Variants in ERV3-1 observed in about 807,000 individuals in gnomAD.
ERV3-1 encodes endogenous retrovirus group 3 member 1, envelope.
Under a neutral mutation model 24.6 loss-of-function variants are expected in ERV3-1, and 36 were observed. That is an observed-to-expected ratio of 1.47 (90% CI 1.12 to 1.94). The LOEUF (loss-of-function observed/expected upper bound fraction) is 1.94. ERV3-1 is among the 30% of genes most tolerant of loss of function. The pLI is 0.00. For missense variants in ERV3-1, 578 were observed against 330.9 expected, an observed-to-expected ratio of 1.75 and a Z score of -5.79; for synonymous variants, 211 against 122.6, an observed-to-expected ratio of 1.72 and a Z score of -4.76.
At chr7:64,994,200 C>A (rs1157427874) in intron 1 of ERV3-1, among the ~76,000 whole-genome samples, 3 of 152,102 alleles carry the variant, frequency 2.0e-5, no homozygotes, top group African/African-American at 7.2e-5. Context: ...TTGTTCTGGG[C>A]ACAGGTTAAA....
intron 1 of ERV3-1, among the ~76,000 whole-genome samples, chr7:65,005,661 G>A (rs1786630152): frequency 6.6e-6 from 1 of 152,196 alleles, no homozygotes; most frequent in African/African-American, 2.4e-5. Flanking sequence ...GCAAGCCAGA[G>A]TTAGGCTGGA....
At chr7:64,997,633 T>C (rs1334500098) in intron 1 of ERV3-1, among the ~76,000 whole-genome samples, 1 of 152,160 alleles carries the variant, frequency 6.6e-6, no homozygotes, top group Admixed American at 6.5e-5. Flanking sequence ...GCCCTGAGCA[T>C]ATATGCCTGG....
rs767897744 is a variant in ERV3-1 at position 64,992,532 on chromosome 7, G to T, written c.495C>A (p.Cys165Ter). The T allele has an allele frequency of 1.3e-6, 1 of 766,270 alleles. No individual in the cohort carries two copies. Among genetic ancestry groups the T allele is most frequent in the Non-Finnish European group, 2.4e-6 (1 of 417,922 alleles). 47.5% of individuals were successfully genotyped at this position (766,270 alleles called of 1,614,324 possible). The change falls in exon 2 of 2, where the codon TGC becomes TGA. Residue 165 changes from cysteine to a stop codon, truncating the protein, a stop_gained. Transcript: ENST00000394323. LOFTEE classifies it high-confidence loss of function. ...ACSTDSPVTTCWDCTTWSTNQ... is the reference protein window; with the variant it reads ...ACSTDSPVTT ...TAGTGGACCACGTTGTGCAGTCCCA[G>T]CAAGTTGTTACTGGGGAATCGGTGG...
chr7:65,004,117 A>G (rs10231037), intron 1 of ERV3-1: 150,481 of 152,286 alleles, frequency 0.99, 74,370 homozygotes, highest in East Asian at 1. Flanking sequence ...TTTGGGAGGC[A>G]AAGGCGGGCA....
intron 1 of ERV3-1, among the ~76,000 whole-genome samples, chr7:64,997,072 C>T (rs113275597): frequency 2.5e-4 from 38 of 152,284 alleles, no homozygotes; most frequent in African/African-American, 5.5e-4. Context: ...TTTTGCATTG[C>T]GCACATTGAT....
Position 65,006,345 on chromosome 7 carries a change from G to T in ERV3-1, c.-389+196C>A, listed in dbSNP as rs935857485. ...TCACTGCGCAGGGAGGAGACAGGAT[G>T]CCCGGGGTCCGAGCTGTCAGCCCGG... On this transcript the variant is annotated intron_variant, in intron 1 of 1. Coordinates refer to ENST00000394323, the MANE Select transcript of ERV3-1 (RefSeq NM_001007253.4). 3.8e-5 allele frequency: 33 copies of T among 865,332 alleles called. No individual in the cohort carries two copies. In the East Asian group the frequency reaches 5.6e-4, roughly 15 times the overall value. 53.6% of individuals were successfully genotyped at this position (865,332 alleles called of 1,614,324 possible). A position where few individuals can be genotyped will look rare whatever the true frequency, so the allele number is the denominator to read the frequency against.
intron 1 of ERV3-1, among the ~76,000 whole-genome samples, chr7:64,996,863 A>G (rs1332708479): frequency 2.6e-5 from 4 of 152,122 alleles, no homozygotes; most frequent in African/African-American, 4.8e-5. Context: ...TTCTAATGTG[A>G]CCATGGGCTC....
intron 1 of ERV3-1, among the ~76,000 whole-genome samples, chr7:65,002,135 G>A (rs552683816): frequency 1.3e-5 from 2 of 152,282 alleles, no homozygotes; most frequent in African/African-American, 2.4e-5. Flanking sequence ...CTGGTAAATA[G>A]CGTTAATAAA....
At position 64,991,503 on chromosome 7, in the gene ERV3-1, T is replaced by C. The variant is rs1455221976; in HGVS notation, c.1524A>G (p.Pro508=). The change falls in exon 2 of 2, where the codon CCA becomes CCG. Residue 508 remains proline (P), a synonymous_variant. Coordinates refer to ENST00000394323, the MANE Select transcript of ERV3-1 (RefSeq NM_001007253.4). ...TTATAATGCGGTTAAGCATGTAAAC[T>C]GGGGTGCGGTATCCCCACATTCCAT... ...AEDGMWGYRT[P]VYMLNRIIRL... 1 of 704,080 alleles carries C rather than the reference T, an allele frequency of 1.4e-6. No individual in the cohort carries two copies. The highest frequency in any genetic ancestry group is 2.0e-5 in the Admixed American group (1 of 50,000). The allele number at this position is 704,080 out of a possible 1,614,324, so 43.6% of individuals were successfully genotyped here.
At position 64,991,328 on chromosome 7, in the gene ERV3-1, T is replaced by G; in HGVS notation, c.1699A>C (p.Lys567Gln). The G allele has an allele frequency of 1.4e-6, 1 of 706,776 alleles. No homozygotes were observed. The highest frequency in any genetic ancestry group is 2.6e-6 in the Non-Finnish European group (1 of 386,152). 43.8% of individuals were successfully genotyped at this position (706,776 alleles called of 1,614,324 possible). A position where few individuals can be genotyped will look rare whatever the true frequency, so the allele number is the denominator to read the frequency against. Reference protein sequence around the residue: ...LLAQEEGVCGKFNLTNCCLEL... With the variant: ...LLAQEEGVCGQFNLTNCCLEL... ...AGGCAGCAGTTAGTAAGGTTGAACT[T>G]TCCGCATACTCCCTCTTCCTGGGCT... The change falls in exon 2 of 2, where the codon AAG (lysine) becomes CAG (glutamine). Residue 567 changes from lysine (K) to glutamine (Q), a missense_variant. Coordinates refer to ENST00000394323, the MANE Select transcript of ERV3-1 (RefSeq NM_001007253.4).
chr7:65,006,687 CA>C (rs1241233883), upstream of ERV3-1: 2 of 1,444,004 alleles, frequency 1.4e-6, no homozygotes, highest in Non-Finnish European at 1.9e-6. Context: ...CCGCCAGAGA[CA>C]AAGGCCCCAC....
chr7:64,993,167 G>A lies in ERV3-1; in HGVS notation c.-141C>T, dbSNP rs529342195. ...TTCCCTGATGATGACTCAAGCTTCG[G>A]CCGTGCATAGACTAGTCAGCTTCTG... On this transcript the variant is annotated 5_prime_UTR_variant, in exon 2 of 2. Transcript: ENST00000394323. The A allele has an allele frequency of 1.3e-5, 8 of 602,550 alleles. No homozygotes were observed. Among genetic ancestry groups the A allele is most frequent in the East Asian group, 2.7e-5 (1 of 36,414 alleles). The allele number at this position is 602,550 out of a possible 1,614,324, so 37.3% of individuals were successfully genotyped here. A position where few individuals can be genotyped will look rare whatever the true frequency, so the allele number is the denominator to read the frequency against.
intron 1 of ERV3-1, among the ~76,000 whole-genome samples, chr7:65,001,401 C>T (rs7787889): frequency 0.92 from 140,054 of 152,196 alleles, 65,541 homozygotes; most frequent in East Asian, 1. Flanking sequence ...TCAGGAGACT[C>T]GTAGACACTT....
Position 64,997,919 on chromosome 7 carries a change from C to T in ERV3-1, c.-388-4505G>A, listed in dbSNP as rs1387040597. Among the ~76,000 whole-genome samples the T allele has an allele frequency of 6.6e-5, 10 of 152,224 alleles. No individual in the cohort carries two copies. In the South Asian group the frequency reaches 1.4e-3, roughly 22 times the overall value. On this transcript the variant is annotated intron_variant, in intron 1 of 1. Transcript: ENST00000394323. ...GTCGGTTGCCCCCCCTTGAACCTGCCCCTGTTCATCATAATAGATAGGTCC... is the reference window on the plus strand; with the variant it reads ...GTCGGTTGCCCCCCCTTGAACCTGCTCCTGTTCATCATAATAGATAGGTCC...
At position 64,991,160 on chromosome 7, in the gene ERV3-1, T is replaced by G. The variant is rs1584058128; in HGVS notation, c.*52A>C. 1 of 653,294 alleles carries G rather than the reference T, an allele frequency of 1.5e-6. No individual in the cohort carries two copies. Among genetic ancestry groups the G allele is most frequent in the Non-Finnish European group, 2.8e-6 (1 of 362,780 alleles). 40.5% of individuals were successfully genotyped at this position (653,294 alleles called of 1,614,324 possible). A position where few individuals can be genotyped will look rare whatever the true frequency, so the allele number is the denominator to read the frequency against. On this transcript the variant is annotated 3_prime_UTR_variant, in exon 2 of 2. Transcript: ENST00000394323. ...ATGGCTAGGACTATTTGTACTAAGG[T>G]TTTAAATCCTCCAAGGGATGAGAAC...
At position 64,991,564 on chromosome 7, in the gene ERV3-1, A is replaced by C; in HGVS notation, c.1463T>G (p.Ile488Arg). 1 of 704,086 alleles carries C rather than the reference A, an allele frequency of 1.4e-6. No homozygotes were observed. Among genetic ancestry groups the C allele is most frequent in the Non-Finnish European group, 2.6e-6 (1 of 384,992 alleles). The allele number at this position is 704,086 out of a possible 1,614,324, so 43.6% of individuals were successfully genotyped here. ...WKDNEWPPERIIQYYGPATWA... is the reference protein window; with the variant it reads ...WKDNEWPPERRIQYYGPATWA... Reference sequence around the variant, plus strand: ...GGTGGCTGGGCCATAATATTGAATTATTCTTTCAGGAGGCCATTCATTGTC... The same window carrying C: ...GGTGGCTGGGCCATAATATTGAATTCTTCTTTCAGGAGGCCATTCATTGTC... The change falls in exon 2 of 2, where the codon ATA becomes AGA. Residue 488 changes from isoleucine to arginine, a missense_variant. Physicochemically the swap from Ile to Arg is moderately conservative, Grantham distance 97 (BLOSUM62 -3). Transcript: ENST00000394323.
Position 64,992,893 on chromosome 7 carries a change from A to T in ERV3-1, c.134T>A (p.Leu45Gln), listed in dbSNP as rs1786311836. 1 of 766,298 alleles carries T rather than the reference A, an allele frequency of 1.3e-6. No individual in the cohort carries two copies. Among genetic ancestry groups the T allele is most frequent in the Admixed American group, 1.7e-5 (1 of 59,020 alleles). 47.5% of individuals were successfully genotyped at this position (766,298 alleles called of 1,614,324 possible). The change falls in exon 2 of 2, where the codon CTG becomes CAG. Residue 45 changes from leucine to glutamine, a missense_variant. Physicochemically the swap from Leu to Gln is moderately radical, Grantham distance 113. Coordinates refer to ENST00000394323, the MANE Select transcript of ERV3-1 (RefSeq NM_001007253.4). ...ACACTCATAATAAGTGTGATACAAC[A>T]GGGTTTTAGTCATGATGTTCCCCGA... ...TWSGNIMTKT[L>Q]LYHTYYECAG...
intron 1 of ERV3-1, among the ~76,000 whole-genome samples, chr7:64,996,976 G>A (rs1786418031): frequency 6.6e-6 from 1 of 152,212 alleles, no homozygotes; most frequent in Admixed American, 6.5e-5. Flanking sequence ...GGACACAATA[G>A]CCCTTGGCTG....
rs201471552 is a variant in ERV3-1 at position 64,991,748 on chromosome 7, G to C, written c.1279C>G (p.Arg427Gly). 9 of 765,852 alleles carry C rather than the reference G, an allele frequency of 1.2e-5. No homozygotes were observed. In the African/African-American group the frequency reaches 1.4e-4, roughly 12 times the overall value. The allele number at this position is 765,852 out of a possible 1,614,324, so 47.4% of individuals were successfully genotyped here. ...LYWICGPQAY[R>G]QLPAKWSGAC... Reference sequence around the variant, plus strand: ...CCTGACCATTTAGCTGGCAGTTGTCGATATGCTTGTGGCCCACAGATCCAG... The same window carrying C: ...CCTGACCATTTAGCTGGCAGTTGTCCATATGCTTGTGGCCCACAGATCCAG... Residue 427 changes from arginine (R) to glycine (G), a missense_variant, in exon 2 of 2, where the codon CGA (arginine) becomes GGA (glycine). Physicochemically the swap from Arg to Gly is moderately radical, Grantham distance 125. Coordinates refer to ENST00000394323, the MANE Select transcript of ERV3-1 (RefSeq NM_001007253.4).
Sources: allele counts gnomAD v4.1 joint callset (sites outside exome capture counted in the v4.1 genomes callset), GRCh38; gene constraint gnomAD v4.1.1; transcripts MANE v1.5; gene names NCBI Gene and HGNC (gene_info 2026-07-23, HGNC 2026-07-21).